The following IKZF2 variants were observed in gnomAD, a reference collection of about 807,000 sequenced individuals.
IKZF2 encodes the protein IKAROS family zinc finger 2.
In IKZF2, 15 loss-of-function variants were observed where a neutral mutation model predicts 49.2. The ratio of observed to expected loss-of-function variants is 0.30; its 90% confidence interval spans 0.20 to 0.47. The LOEUF is 0.47. Ranked by LOEUF, IKZF2 falls within the 20% of genes least tolerant of loss-of-function variation. IKZF2 has a pLI of 1.00. For missense variants in IKZF2, 567 were observed against 664.6 expected (o/e 0.85, Z 1.61); for synonymous variants, 227 against 221.4 (o/e 1.03, Z -0.23).
At chr2:213,141,910 T>C (rs2060889147) in intron 4 of IKZF2, among the ~76,000 whole-genome samples, 1 of 152,032 alleles carries the variant, frequency 6.6e-6, no homozygotes, top group Non-Finnish European at 1.5e-5. Context: ...AATTAATAAT[T>C]GCATTTAAGC....
In IKZF2 at chr2:213,004,297, T is replaced by C. The variant is rs1485313992; in HGVS notation, c.*3063A>G. 1 of 151,842 alleles carries C rather than the reference T, an allele frequency of 6.6e-6. No homozygotes were observed. The highest frequency in any genetic ancestry group is 1.9e-4 in the East Asian group (1 of 5,176). 9.4% of individuals were successfully genotyped at this position (151,842 alleles called of 1,614,324 possible). ...TTCCCAATTTTGTCCCTTTAGGAAA[T>C]CTCAATGGAATATTTCAATGACTTG... On this transcript the variant is annotated 3_prime_UTR_variant, in exon 9 of 9. Coordinates refer to ENST00000434687, the MANE Select transcript of IKZF2 (RefSeq NM_001387220.1).
intron 4 of IKZF2, among the ~76,000 whole-genome samples, chr2:213,089,304 T>A (rs1307708375): frequency 6.6e-6 from 1 of 152,178 alleles, no homozygotes; most frequent in Non-Finnish European, 1.5e-5. Context: ...TCTAGTTGGA[T>A]ACACCACCAT....
intron 4 of IKZF2, among the ~76,000 whole-genome samples, chr2:213,088,723 A>C (rs1174537013): frequency 1.3e-5 from 2 of 152,158 alleles, no homozygotes; most frequent in African/African-American, 2.4e-5. Flanking sequence ...GCGCCACTGC[A>C]CTCCAGTCTG....
Position 213,133,954 on chromosome 2 carries a change from T to G in IKZF2, c.139+13754A>C, listed in dbSNP as rs543416855. On this transcript the variant is annotated intron_variant, in intron 4 of 8. Transcript: ENST00000434687. Reference sequence around the variant, plus strand: ...TAAACATATACCCTGATCTTTTTATTATTGTTATTTATGGGCTTAGTAAAC... The same window carrying G: ...TAAACATATACCCTGATCTTTTTATGATTGTTATTTATGGGCTTAGTAAAC... 3.2e-4 allele frequency among the ~76,000 whole-genome samples: 49 copies of G among 152,332 alleles called. 1 individual carries two copies. The South Asian group carries it at 0.01, about 32-fold the overall frequency.
chr2:213,040,198 G>T (rs1393086939), intron 6 of IKZF2, among the ~76,000 whole-genome samples: 1 of 149,660 alleles, frequency 6.7e-6, no homozygotes, highest in African/African-American at 2.4e-5. Context: ...TTTAAGTTCA[G>T]AGGTACATGT....
rs906098573 is a variant in IKZF2, at chr2:213,091,406, A to G, written c.140-34307T>C. On this transcript the variant is annotated intron_variant, in intron 4 of 8. Coordinates refer to ENST00000434687, the MANE Select transcript of IKZF2 (RefSeq NM_001387220.1). ...TGAGAGGTACATTCATAACAGGTTG[A>G]ACAACCACACCCAAACAGTATTGAT... Among the ~76,000 whole-genome samples the G allele has an allele frequency of 4.6e-5, 7 of 152,212 alleles. No individual in the cohort carries two copies. In the East Asian group the frequency reaches 1.3e-3, roughly 29 times the overall value.
intron 5 of IKZF2, among the ~76,000 whole-genome samples, chr2:213,050,945 T>C (rs372876369): frequency 2.0e-5 from 3 of 152,208 alleles, no homozygotes; most frequent in South Asian, 2.1e-4. Context: ...GCTCTAAGTT[T>C]AGAATAAAAA....
chr2:213,008,224 T>C, intron 8 of IKZF2, 140 bp from the exon 9 acceptor site: 1 of 1,049,634 alleles, frequency 9.5e-7, no homozygotes, highest in Non-Finnish European at 1.3e-6. Flanking sequence ...ACTCTATAAG[T>C]CAAGTATTTG....
At chr2:213,087,258 G>A (rs553137592) in intron 4 of IKZF2, among the ~76,000 whole-genome samples, 4 of 152,228 alleles carry the variant, frequency 2.6e-5, no homozygotes, top group African/African-American at 9.6e-5. Context: ...TGGGAACTTT[G>A]ATTTGCATAA....
intron 6 of IKZF2, among the ~76,000 whole-genome samples, chr2:213,036,929 C>A (rs1221440961): frequency 6.6e-6 from 1 of 151,914 alleles, no homozygotes; most frequent in Non-Finnish European, 1.5e-5. Flanking sequence ...AAAAAAACAT[C>A]CAAACAAAAC....
chr2:213,045,321 A>G (rs190911827), intron 6 of IKZF2, among the ~76,000 whole-genome samples: 61 of 152,316 alleles, frequency 4.0e-4, no homozygotes, highest in Middle Eastern at 3.4e-3. Context: ...TCTTTACTGG[A>G]GCATATTAAC....
At chr2:213,098,189 T>C (rs1188972946) in intron 4 of IKZF2, among the ~76,000 whole-genome samples, 1 of 152,108 alleles carries the variant, frequency 6.6e-6, no homozygotes, top group Non-Finnish European at 1.5e-5. Flanking sequence ...AAAATACCAG[T>C]ATTTTTTAAA....
intron 4 of IKZF2, among the ~76,000 whole-genome samples, chr2:213,124,231 C>T (rs1413200980): frequency 1.5e-5 from 2 of 130,914 alleles, no homozygotes; most frequent in Non-Finnish European, 3.2e-5. Context: ...TGTGCACGCA[C>T]ACATGCGCTC....
intron 6 of IKZF2, among the ~76,000 whole-genome samples, chr2:213,022,495 TGG>T (rs913444814): frequency 1.8e-4 from 18 of 101,628 alleles, no homozygotes; most frequent in African/African-American, 5.0e-4. Context: ...TCAAGAGTTG[TGG>T]TTTTTTTTTG....
intron 6 of IKZF2, among the ~76,000 whole-genome samples, chr2:213,037,337 T>G (rs897287141): frequency 6.6e-6 from 1 of 152,270 alleles, no homozygotes; most frequent in Non-Finnish European, 1.5e-5. Flanking sequence ...GGCTTATTAA[T>G]TCCTTCTAGA....
chr2:213,109,708 G>A (rs1046505334), intron 4 of IKZF2, among the ~76,000 whole-genome samples: 3 of 151,900 alleles, frequency 2.0e-5, no homozygotes, highest in Admixed American at 1.3e-4. Flanking sequence ...TTATTATCAT[G>A]ATGTTACAGT....
At chr2:213,024,706 C>CA (rs1461082508) in intron 6 of IKZF2, among the ~76,000 whole-genome samples, 1 of 152,124 alleles carries the variant, frequency 6.6e-6, no homozygotes, top group Non-Finnish European at 1.5e-5. Flanking sequence ...TCAAAGTCTA[C>CA]ATTCTGCCCT....
At chr2:213,008,778 A>G (rs1330467628) in intron 8 of IKZF2, among the ~76,000 whole-genome samples, 1 of 152,096 alleles carries the variant, frequency 6.6e-6, no homozygotes, top group Non-Finnish European at 1.5e-5. Context: ...TGACCAAGCT[A>G]CAAAGATCAT....
At chr2:213,090,048 T>C (rs1220436986) in intron 4 of IKZF2, among the ~76,000 whole-genome samples, 3 of 152,190 alleles carry the variant, frequency 2.0e-5, no homozygotes, top group Non-Finnish European at 4.4e-5. Flanking sequence ...ACTCAAGCAC[T>C]GATTTTCTCC....
Sources: gnomAD v4.1 joint callset for allele counts (sites outside exome capture counted in the v4.1 genomes callset) on GRCh38, gnomAD v4.1.1 for gene constraint, MANE v1.5 for transcripts, NCBI Gene and HGNC (gene_info 2026-07-23, HGNC 2026-07-21) for gene names.